The following RIMKLB variants were observed in gnomAD, a reference collection of about 807,000 sequenced individuals.
RIMKLB encodes ribosomal modification protein rimK like family member B.
RIMKLB carries 7 observed loss-of-function variants against 32.0 expected under a neutral mutation model. The observed-to-expected ratio is 0.22, with a 90% confidence interval of 0.12 to 0.41. The LOEUF (loss-of-function observed/expected upper bound fraction) is 0.41, where lower values mean the gene tolerates loss of function less well. Among genes scored for constraint, RIMKLB ranks in the 10% least tolerant of loss-of-function variants. The pLI is 1.00. For synonymous variants in RIMKLB, 172 were observed against 185.1 expected (o/e 0.93, Z 0.57); for missense variants, 289 against 498.7 (o/e 0.58, Z 4.00).
chr12:8,773,282 T>G (rs781439958), intron 5 of RIMKLB, 39 bp from the exon 6 acceptor site: 2 of 1,427,526 alleles, frequency 1.4e-6, no homozygotes, highest in South Asian at 2.4e-5. Flanking sequence ...TTCAAAAGTT[T>G]ATGATTTTGT....
intron 2 of RIMKLB, among the ~76,000 whole-genome samples, chr12:8,721,651 CTCATAGTCA>C (rs1373114811): frequency 6.6e-6 from 1 of 152,214 alleles, no homozygotes; most frequent in Admixed American, 6.5e-5. Flanking sequence ...TCTTGAAGCC[CTCATAGTCA>C]TCCATGAGGG....
the RIMKLB span, among the ~76,000 whole-genome samples, chr12:8,669,433 T>C: frequency 6.6e-6 from 1 of 152,112 alleles, no homozygotes; most frequent in Non-Finnish European, 1.5e-5. Flanking sequence ...CATAGCAGTA[T>C]ATAATAATTA....
chr12:8,719,415 C>A (rs1397176978), intron 2 of RIMKLB, among the ~76,000 whole-genome samples: 1 of 152,122 alleles, frequency 6.6e-6, no homozygotes, highest in East Asian at 1.9e-4. Flanking sequence ...GTCGCCCAGG[C>A]TAGACTGCAA....
intron 3 of RIMKLB, 127 bp downstream of exon 3, chr12:8,750,219 A>T (rs1948499447): frequency 5.6e-6 from 3 of 534,472 alleles, no homozygotes; most frequent in Non-Finnish European, 1.0e-5. Flanking sequence ...GGACAGGATA[A>T]TTATAAATTA....
chr12:8,765,630 G>A (rs1009382472), intron 5 of RIMKLB, among the ~76,000 whole-genome samples: 1 of 152,174 alleles, frequency 6.6e-6, no homozygotes, highest in African/African-American at 2.4e-5. Context: ...AAAGGTACAT[G>A]CACTCTGACT....
chr12:8,697,518 G>C (rs938175646), upstream of RIMKLB, among the ~76,000 whole-genome samples: 1 of 152,104 alleles, frequency 6.6e-6, no homozygotes, highest in Admixed American at 6.5e-5. Context: ...GGCCTAAGCA[G>C]GGAATGTGAG....
chr12:8,669,916 A>T, the RIMKLB span, among the ~76,000 whole-genome samples: 2 of 150,602 alleles, frequency 1.3e-5, no homozygotes, highest in Admixed American at 6.7e-5. Flanking sequence ...AGTCCCAGCT[A>T]CTCGGGAGGC....
chr12:8,756,315 A>G (rs2137874391), intron 5 of RIMKLB, among the ~76,000 whole-genome samples: 2 of 152,208 alleles, frequency 1.3e-5, no homozygotes. Context: ...ACAAAAATAA[A>G]AAAAATTCCT....
At chr12:8,737,625 T>C (rs890259648) in intron 2 of RIMKLB, among the ~76,000 whole-genome samples, 6 of 152,214 alleles carry the variant, frequency 3.9e-5, no homozygotes, top group Non-Finnish European at 8.8e-5. Context: ...AATTATGATG[T>C]TGTTACAAAA....
chr12:8,757,470 C>CAAAAAAAAAAAAAAAA (rs55670138), intron 5 of RIMKLB, among the ~76,000 whole-genome samples: 7 of 71,412 alleles, frequency 9.8e-5, no homozygotes, highest in African/African-American at 3.5e-4. Context: ...GACCCTGTCT[C>CAAAAAAAAAAAAAAAA]AAAAAAAAAA....
At chr12:8,769,437 AGTTTT>A (rs1950233915) in intron 5 of RIMKLB, among the ~76,000 whole-genome samples, 1 of 152,148 alleles carries the variant, frequency 6.6e-6, no homozygotes, top group Admixed American at 6.5e-5. Flanking sequence ...TATATAGCTA[AGTTTT>A]GTTTTTTATT....
downstream of RIMKLB, among the ~76,000 whole-genome samples, chr12:8,781,994 T>TAG (rs1234706003): frequency 6.6e-6 from 1 of 151,734 alleles, no homozygotes; most frequent in Non-Finnish European, 1.5e-5. Context: ...ATATGGTTCT[T>TAG]ATCTTATTTC....
chr12:8,720,389 C>G (rs1348000164), intron 2 of RIMKLB, among the ~76,000 whole-genome samples: 1 of 152,126 alleles, frequency 6.6e-6, no homozygotes, highest in Non-Finnish European at 1.5e-5. Flanking sequence ...ATTTGAGAAA[C>G]TTTTATGTGC....
chr12:8,749,840 G>A (rs747519560), intron 2 of RIMKLB, 22 bp from the exon 3 acceptor site: 17 of 1,483,922 alleles, frequency 1.1e-5, no homozygotes, highest in Admixed American at 1.7e-5. Context: ...AATTGTGTTG[G>A]TCTTGTATTT....
chr12:8,711,643 A>C (rs747779561), intron 1 of RIMKLB, among the ~76,000 whole-genome samples: 4 of 152,058 alleles, frequency 2.6e-5, no homozygotes, highest in Non-Finnish European at 5.9e-5. Context: ...AGCATTAGGT[A>C]TATCTCCCAA....
intron 1 of RIMKLB, among the ~76,000 whole-genome samples, chr12:8,685,672 A>G (rs1194461056): frequency 6.7e-6 from 1 of 149,420 alleles, no homozygotes; most frequent in Non-Finnish European, 1.5e-5. Context: ...TTTTTTTGAG[A>G]TGGAATCTGG....
chr12:8,771,682 C>A (rs2058456), intron 5 of RIMKLB, among the ~76,000 whole-genome samples: 65 of 151,546 alleles, frequency 4.3e-4, no homozygotes, highest in African/African-American at 1.6e-3. Flanking sequence ...TTTTTAGTGG[C>A]GCTCACATTT....
chr12:8,762,905 T>C (rs1221300531), intron 5 of RIMKLB, among the ~76,000 whole-genome samples: 1 of 152,212 alleles, frequency 6.6e-6, no homozygotes, highest in African/African-American at 2.4e-5. Context: ...GGCGTAGGTG[T>C]GAGCAATCAC....
chr12:8,743,341 CAA>C (rs1172300087), intron 2 of RIMKLB, among the ~76,000 whole-genome samples: 10 of 109,554 alleles, frequency 9.1e-5, no homozygotes, highest in African/African-American at 3.4e-4. Context: ...GTGACAGAGC[CAA>C]GAGTCTGTCT....
Sources: allele counts gnomAD v4.1 joint callset (sites outside exome capture counted in the v4.1 genomes callset), GRCh38; gene constraint gnomAD v4.1.1; transcripts MANE v1.5; gene names NCBI Gene and HGNC (gene_info 2026-07-23, HGNC 2026-07-21).